The following INPP4B variants were observed in gnomAD, a reference collection of about 807,000 sequenced individuals.
INPP4B encodes inositol polyphosphate 4-phosphatase type II.
Under a neutral mutation model 122.5 loss-of-function variants are expected in INPP4B, and 55 were observed. That is an observed-to-expected ratio of 0.45 (90% CI 0.36 to 0.56). The LOEUF (loss-of-function observed/expected upper bound fraction) is 0.56, where lower values mean the gene tolerates loss of function less well. Among genes scored for constraint, INPP4B ranks in the 20% least tolerant of loss-of-function variants. INPP4B has a pLI of 0.00. For synonymous variants in INPP4B, 403 were observed against 388.7 expected (o/e 1.04, Z -0.43); for missense variants, 1,000 against 1,097.7 (o/e 0.91, Z 1.26).
At chr4:142,290,194 CCT>C (rs1755744852) in intron 9 of INPP4B, among the ~76,000 whole-genome samples, 1 of 117,350 alleles carries the variant, frequency 8.5e-6, no homozygotes, top group East Asian at 2.4e-4. Flanking sequence ...TTTCTTTCTT[CCT>C]TTTTTTTTTT....
At chr4:142,432,641 A>G (rs1000484313) in intron 3 of INPP4B, among the ~76,000 whole-genome samples, 11 of 152,100 alleles carry the variant, frequency 7.2e-5, no homozygotes, top group Non-Finnish European at 4.4e-5. Flanking sequence ...GAACACACAC[A>G]TTCATAGCAC....
intron 2 of INPP4B, among the ~76,000 whole-genome samples, chr4:142,537,740 A>AGTGTGTGTGTGTGTGTGT (rs72363974): frequency 2.7e-5 from 4 of 146,894 alleles, no homozygotes; most frequent in Non-Finnish European, 4.5e-5. Context: ...TGTGTATATG[A>AGTGTGTGTGTGTGTGTGT]GTGTGTGTGT....
At chr4:142,529,582 C>T (rs909898583) in intron 2 of INPP4B, among the ~76,000 whole-genome samples, 2 of 151,758 alleles carry the variant, frequency 1.3e-5, no homozygotes, top group Non-Finnish European at 2.9e-5. Flanking sequence ...AAATAAATTA[C>T]TTTAAAATAT....
intron 1 of INPP4B, among the ~76,000 whole-genome samples, chr4:142,811,409 C>T (rs1361721223): frequency 6.6e-6 from 1 of 152,194 alleles, no homozygotes; most frequent in Non-Finnish European, 1.5e-5. Flanking sequence ...GACCCAAAGA[C>T]ATTATGCCAG....
chr4:142,564,821 A>G (rs1440043009), intron 2 of INPP4B, among the ~76,000 whole-genome samples: 1 of 151,938 alleles, frequency 6.6e-6, no homozygotes, highest in African/African-American at 2.4e-5. Flanking sequence ...AAATGGAGTA[A>G]CTCAGGCACT....
chr4:142,227,575 A>AT (rs1852113398), intron 12 of INPP4B, among the ~76,000 whole-genome samples: 1 of 152,126 alleles, frequency 6.6e-6, no homozygotes, highest in African/African-American at 2.4e-5. Flanking sequence ...ATTTGAAAAA[A>AT]TTAGGCCAGG....
chr4:142,319,723 T>C lies in INPP4B; in HGVS notation c.373-4961A>G, dbSNP rs28478520. On this transcript the variant is annotated intron_variant, in intron 7 of 25. Transcript: ENST00000262992. ...TACATAAAGGAGTCCAGTCTTTACGTGGTGGCTGAGCTGCACCGGAGTCCC... is the reference window on the plus strand; with the variant it reads ...TACATAAAGGAGTCCAGTCTTTACGCGGTGGCTGAGCTGCACCGGAGTCCC... 3.7e-3 allele frequency among the ~76,000 whole-genome samples: 558 copies of C among 152,320 alleles called. 1 individual carries two copies. The highest frequency in any genetic ancestry group is 0.013 in the African/African-American group (529 of 41,566).
intron 1 of INPP4B, among the ~76,000 whole-genome samples, chr4:142,782,190 T>A (rs922118093): frequency 6.6e-6 from 1 of 151,862 alleles, no homozygotes; most frequent in Non-Finnish European, 1.5e-5. Flanking sequence ...TGTCCATGTG[T>A]TCTCATTGTT....
intron 7 of INPP4B, among the ~76,000 whole-genome samples, chr4:142,360,613 AT>A (rs1785066719): frequency 6.6e-6 from 1 of 151,942 alleles, no homozygotes; most frequent in African/African-American, 2.4e-5. Context: ...AATTTGGGTC[AT>A]TTCAGGGAGA....
intron 25 of INPP4B, among the ~76,000 whole-genome samples, chr4:142,070,872 G>A (rs957950994): frequency 6.6e-6 from 1 of 152,098 alleles, no homozygotes; most frequent in Non-Finnish European, 1.5e-5. Flanking sequence ...CCATGCTCAT[G>A]GATAGGAAGA....
intron 11 of INPP4B, among the ~76,000 whole-genome samples, chr4:142,255,459 C>A (rs1004233339): frequency 6.6e-6 from 1 of 152,082 alleles, no homozygotes; most frequent in African/African-American, 2.4e-5. Context: ...TCAGGAAACC[C>A]ATCTCACATG....
intron 3 of INPP4B, among the ~76,000 whole-genome samples, chr4:142,432,270 C>T (rs1210984346): frequency 6.6e-6 from 1 of 151,984 alleles, no homozygotes; most frequent in East Asian, 1.9e-4. Context: ...TAGCAGTAAT[C>T]AAGTTTGGTT....
chr4:142,419,829 C>G (rs1439829178), intron 5 of INPP4B, among the ~76,000 whole-genome samples: 1 of 152,098 alleles, frequency 6.6e-6, no homozygotes, highest in Non-Finnish European at 1.5e-5. Flanking sequence ...TGACAAATTT[C>G]AAGCACACAG....
At chr4:142,466,181 G>A (rs913809024) in intron 2 of INPP4B, among the ~76,000 whole-genome samples, 4 of 152,170 alleles carry the variant, frequency 2.6e-5, no homozygotes, top group African/African-American at 7.2e-5. Flanking sequence ...AGGAAGATGA[G>A]GAAATGTTTG....
intron 2 of INPP4B, among the ~76,000 whole-genome samples, chr4:142,513,704 G>T (rs537690353): frequency 6.6e-6 from 1 of 152,280 alleles, no homozygotes; most frequent in African/African-American, 2.4e-5. Context: ...ACTGCACCTG[G>T]CCTGGGGGTC....
intron 1 of INPP4B, among the ~76,000 whole-genome samples, chr4:142,762,395 G>C (rs1028489028): frequency 8.5e-5 from 13 of 152,066 alleles, no homozygotes; most frequent in African/African-American, 3.1e-4. Flanking sequence ...GATCATCTTA[G>C]GGATAAAAAT....
At chr4:142,650,747 T>C (rs1752773737) in intron 2 of INPP4B, among the ~76,000 whole-genome samples, 1 of 152,008 alleles carries the variant, frequency 6.6e-6, no homozygotes, top group Non-Finnish European at 1.5e-5. Flanking sequence ...TACAAAGAGA[T>C]TTAGACACCC....
At chr4:142,352,477 ATAAAT>A (rs1381715489) in intron 7 of INPP4B, among the ~76,000 whole-genome samples, 4 of 151,410 alleles carry the variant, frequency 2.6e-5, no homozygotes, top group African/African-American at 9.7e-5. Flanking sequence ...ATTTGTAATT[ATAAAT>A]TAATATATAT....
chr4:142,032,885 C>A (rs1487348301), intron 25 of INPP4B, among the ~76,000 whole-genome samples: 1 of 151,872 alleles, frequency 6.6e-6, no homozygotes, highest in Non-Finnish European at 1.5e-5. Context: ...TAAATAGGTA[C>A]ATCTTGGTAG....
Sources: allele counts gnomAD v4.1 joint callset (sites outside exome capture counted in the v4.1 genomes callset), GRCh38; gene constraint gnomAD v4.1.1; transcripts MANE v1.5; gene names NCBI Gene and HGNC (gene_info 2026-07-23, HGNC 2026-07-21).